Variants in NPHP4 observed in about 807,000 individuals in gnomAD.
The protein encoded by NPHP4 is nephrocystin-4.
A neutral mutation model predicts 155.8 loss-of-function variants in NPHP4; 151 were observed. The observed-to-expected ratio is 0.97, with a 90% confidence interval of 0.85 to 1.11. NPHP4 has a LOEUF of 1.11. Among genes scored for constraint, NPHP4 ranks in the 50% least tolerant of loss-of-function variants. The pLI, the probability that NPHP4 is intolerant of heterozygous loss-of-function variation, is 0.00. For missense variants in NPHP4, 1,956 were observed against 1,925.7 expected (o/e 1.02, Z -0.29); for synonymous variants, 845 against 816.8 (o/e 1.03, Z -0.59).
chr1:5,989,098 G>A (rs759968223), intron 1 of NPHP4, among the ~76,000 whole-genome samples: 1 of 152,122 alleles, frequency 6.6e-6, no homozygotes, highest in Non-Finnish European at 1.5e-5. Flanking sequence ...GCTTCAAGGA[G>A]GAACACATGG....
chr1:5,867,247 CG>C lies in NPHP4; in HGVS notation c.3473-133del. On this transcript the variant is annotated intron_variant, in intron 24 of 29. Coordinates refer to ENST00000378156, the MANE Select transcript of NPHP4 (RefSeq NM_015102.5). This position sits in a 1 kb window ranked among gnomAD's most constrained non-coding sequence, Gnocchi z 4.1. ...CTCAGCAAGACACCTGCTGGGGAAA[CG>C]GACGCCGCCACCTTTCCCAGGACAG... The C allele has an allele frequency of 3.0e-6, 2 of 656,680 alleles. No individual in the cohort carries two copies. Among genetic ancestry groups the C allele is most frequent in the South Asian group, 1.9e-5 (1 of 52,158 alleles). The allele number at this position is 656,680 out of a possible 1,614,324, so 40.7% of individuals were successfully genotyped here.
At chr1:5,988,440 AT>A (rs1385777812) in intron 1 of NPHP4, among the ~76,000 whole-genome samples, 2 of 151,892 alleles carry the variant, frequency 1.3e-5, no homozygotes, top group African/African-American at 2.4e-5. Context: ...ACTCTTCTAA[AT>A]TTTTTTTTGT....
chr1:5,947,353 A>T (rs1335906786), intron 8 of NPHP4, 123 bp from the exon 9 acceptor site: 23 of 963,814 alleles, frequency 2.4e-5, no homozygotes, highest in Non-Finnish European at 3.5e-5. Context: ...TGCTGCTGCA[A>T]CAGCAAGTCC....
At chr1:5,873,396 G>A in intron 22 of NPHP4, 61 bp from the exon 23 acceptor site, 1 of 1,369,484 alleles carries the variant, frequency 7.3e-7, no homozygotes, top group Non-Finnish European at 1.0e-6. Context: ...ACCAGCACCT[G>A]TGCTTAGAGA....
chr1:5,962,062 T>C (rs1650435758), intron 5 of NPHP4, 113 bp from the exon 6 acceptor site: 1 of 732,432 alleles, frequency 1.4e-6, no homozygotes, highest in Admixed American at 2.7e-5. Context: ...AAAAGGACTT[T>C]TCTAGGGAGA....
chr1:5,962,620 C>G (rs1307888891), intron 5 of NPHP4, among the ~76,000 whole-genome samples: 1 of 152,214 alleles, frequency 6.6e-6, no homozygotes, highest in Non-Finnish European at 1.5e-5. Context: ...GAGCCACTTT[C>G]CTGGAGTGAT....
intron 11 of NPHP4, among the ~76,000 whole-genome samples, chr1:5,921,041 C>T (rs577550674): frequency 4.6e-5 from 7 of 152,206 alleles, no homozygotes; most frequent in Non-Finnish European, 7.3e-5. Flanking sequence ...AACAGGGACA[C>T]AGACATTAAG....
intron 2 of NPHP4, among the ~76,000 whole-genome samples, chr1:5,985,744 A>G (rs1013729632): frequency 1.3e-5 from 2 of 152,220 alleles, no homozygotes; most frequent in African/African-American, 4.8e-5. Flanking sequence ...GTGGTATAAG[A>G]CTCAAACGAG....
chr1:5,863,022 C>A lies in NPHP4; in HGVS notation c.*243G>T. The A allele has an allele frequency of 1.8e-6, 1 of 562,128 alleles. No individual in the cohort carries two copies. The highest frequency in any genetic ancestry group is 3.2e-6 in the Non-Finnish European group (1 of 312,542). The allele number at this position is 562,128 out of a possible 1,614,324, so 34.8% of individuals were successfully genotyped here. On this transcript the variant is annotated 3_prime_UTR_variant, in exon 30 of 30. Coordinates refer to ENST00000378156, the MANE Select transcript of NPHP4 (RefSeq NM_015102.5). ...TAGATGGCAGCACCAGAGCCAGACC[C>A]ACCACCACGGAGTTCGCGCTCACGG...
chr1:5,887,179 C>G, intron 18 of NPHP4, 107 bp downstream of exon 18: 1 of 1,081,982 alleles, frequency 9.2e-7, no homozygotes, highest in South Asian at 1.6e-5. Context: ...CCGGTTTCCT[C>G]CTGGGCCCGT....
chr1:5,921,288 A>G (rs927794055), intron 11 of NPHP4, among the ~76,000 whole-genome samples: 8 of 152,250 alleles, frequency 5.3e-5, no homozygotes, highest in Non-Finnish European at 1.2e-4. Context: ...GGAAACCAGC[A>G]GCTGCTGTGA....
At chr1:5,881,208 G>T in intron 18 of NPHP4, 1 of 152,422 alleles carries the variant, frequency 6.6e-6, no homozygotes. Context: ...TTCCCCTCTT[G>T]CCCGTCAGAA....
intron 9 of NPHP4, among the ~76,000 whole-genome samples, chr1:5,940,617 A>T (rs1646770019): frequency 6.6e-6 from 1 of 152,226 alleles, no homozygotes; most frequent in Admixed American, 6.5e-5. Context: ...CTTAAATAAT[A>T]ATGACTGTCT....
chr1:5,927,399 T>C (rs1386197792), intron 11 of NPHP4, among the ~76,000 whole-genome samples: 2 of 152,200 alleles, frequency 1.3e-5, no homozygotes, highest in African/African-American at 2.4e-5. Context: ...AAATGCTTAG[T>C]TGGGGAGCTG....
At chr1:5,960,690 A>C (rs1650149429) in intron 6 of NPHP4, among the ~76,000 whole-genome samples, 1 of 152,122 alleles carries the variant, frequency 6.6e-6, no homozygotes, top group African/African-American at 2.4e-5. Context: ...AGAAAGCCAC[A>C]CAAAAGTCTC....
intron 17 of NPHP4, among the ~76,000 whole-genome samples, chr1:5,888,887 G>A (rs1005227258): frequency 5.3e-5 from 8 of 152,140 alleles, no homozygotes; most frequent in Admixed American, 2.0e-4. Context: ...TTCTACTTCC[G>A]GGAACATGTC....
intron 9 of NPHP4, among the ~76,000 whole-genome samples, chr1:5,938,245 A>G (rs1365748578): frequency 6.6e-6 from 1 of 152,222 alleles, no homozygotes; most frequent in African/African-American, 2.4e-5. Flanking sequence ...TCCCTGAAGG[A>G]CACGGAGCTC....
At chr1:5,957,562 G>A (rs1250891727) in intron 6 of NPHP4, among the ~76,000 whole-genome samples, 3 of 142,236 alleles carry the variant, frequency 2.1e-5, no homozygotes, top group South Asian at 2.2e-4. Flanking sequence ...AAACAAGACC[G>A]CTGCAACAGT....
Position 5,904,682 on chromosome 1 carries a change from T to C in NPHP4, c.2078A>G (p.Gln693Arg), listed in dbSNP as rs762856252. ...GTGGGTCAGGGCGCCAGAGCTGGGC[T>C]GGCCGGCCTCATCCAGCTGGACCAG... Reference protein sequence around the residue: ...LQLVQLDEAGQPSSGALTHIL... With the variant: ...LQLVQLDEAGRPSSGALTHIL... Residue 693 changes from glutamine to arginine, a missense_variant, in exon 16 of 30, where the codon CAG becomes CGG. Transcript: ENST00000378156. 2 of 1,614,012 alleles carry C rather than the reference T, an allele frequency of 1.2e-6. No homozygotes were observed. The highest frequency in any genetic ancestry group is 1.7e-6 in the Non-Finnish European group (2 of 1,179,882).
Sources: allele counts gnomAD v4.1 joint callset (sites outside exome capture counted in the v4.1 genomes callset), GRCh38; gene constraint gnomAD v4.1.1; non-coding constraint Gnocchi (gnomAD v3.1); transcripts MANE v1.5; gene names NCBI Gene and HGNC (gene_info 2026-07-23, HGNC 2026-07-21).